KLHL24: variants seen among roughly 807,000 people sequenced by gnomAD.
KLHL24 encodes kelch like family member 24, also known as kelch-like protein 24.
A neutral mutation model predicts 53.4 loss-of-function variants in KLHL24; 29 were observed. That is an observed-to-expected ratio of 0.54 (90% CI 0.40 to 0.74). The LOEUF is 0.74. KLHL24 is among the 30% of genes least tolerant of loss of function. The probability of loss-of-function intolerance (pLI) is 0.00; values close to 1 mark genes in which losing one functional copy is unlikely to be tolerated. For synonymous variants in KLHL24, 222 were observed against 253.7 expected, an observed-to-expected ratio of 0.88 and a Z score of 1.19; for missense variants, 504 against 744.0, an observed-to-expected ratio of 0.68 and a Z score of 3.75.
intron 4 of KLHL24, chr3:183,664,250 C>T (rs1159889347): frequency 6.6e-6 from 1 of 152,138 alleles, no homozygotes; most frequent in Middle Eastern, 3.2e-3. Flanking sequence ...TAAACTTTAC[C>T]TCTTTGCAAG....
chr3:183,682,075 C>T lies in KLHL24; in HGVS notation c.*2789C>T, dbSNP rs1395101210. On this transcript the variant is annotated 3_prime_UTR_variant, in exon 8 of 8. Transcript: ENST00000242810. Reference sequence around the variant, plus strand: ...ATTTGGGCATTTCTAGAACTTTTTACATTTGAAAGTACATGATGAGTATTA... The same window carrying T: ...ATTTGGGCATTTCTAGAACTTTTTATATTTGAAAGTACATGATGAGTATTA... 6.6e-6 allele frequency: 1 copy of T among 152,040 alleles called. No individual in the cohort carries two copies. Among genetic ancestry groups the T allele is most frequent in the Non-Finnish European group, 1.5e-5 (1 of 67,960 alleles). The allele number at this position is 152,040 out of a possible 1,614,324, so 9.4% of individuals were successfully genotyped here.
At chr3:183,639,243 G>C (rs998972234) in intron 1 of KLHL24, among the ~76,000 whole-genome samples, 13 of 152,062 alleles carry the variant, frequency 8.5e-5, no homozygotes, top group African/African-American at 3.1e-4. Context: ...GTTTCCAAAG[G>C]CTACCACTGT....
At chr3:183,666,221 C>T (rs1463934393) in intron 5 of KLHL24, among the ~76,000 whole-genome samples, 2 of 151,838 alleles carry the variant, frequency 1.3e-5, no homozygotes, top group Non-Finnish European at 2.9e-5. Flanking sequence ...GTGGAGTTTC[C>T]AAAATGCTTG....
chr3:183,665,594 C>A (rs1016620222), intron 5 of KLHL24, among the ~76,000 whole-genome samples: 2 of 151,978 alleles, frequency 1.3e-5, no homozygotes, highest in South Asian at 4.2e-4. Context: ...ACTAAAAATA[C>A]AAAAAATAAG....
intron 7 of KLHL24, among the ~76,000 whole-genome samples, chr3:183,677,876 C>A (rs1163000979): frequency 6.6e-6 from 1 of 152,140 alleles, no homozygotes; most frequent in Non-Finnish European, 1.5e-5. Flanking sequence ...CCTGCAACCT[C>A]CGCCTCCCGG....
At chr3:183,653,719 G>A (rs1051189697) in intron 3 of KLHL24, among the ~76,000 whole-genome samples, 2 of 152,146 alleles carry the variant, frequency 1.3e-5, no homozygotes, top group African/African-American at 4.8e-5. Context: ...AATTTTAGGG[G>A]GAGACTGATA....
At chr3:183,671,574 A>G (rs1721332427) in intron 6 of KLHL24, among the ~76,000 whole-genome samples, 2 of 152,362 alleles carry the variant, frequency 1.3e-5, no homozygotes, top group South Asian at 4.1e-4. Context: ...AGACATAGTA[A>G]CTAAATATGC....
Position 183,679,391 on chromosome 3 carries a change from T to G in KLHL24, c.*105T>G, listed in dbSNP as rs1576996346. The G allele has an allele frequency of 1.4e-6, 1 of 719,824 alleles. No individual in the cohort carries two copies. Among genetic ancestry groups the G allele is most frequent in the East Asian group, 2.7e-5 (1 of 36,634 alleles). The allele number at this position is 719,824 out of a possible 1,614,324, so 44.6% of individuals were successfully genotyped here. ...TCTCCTTTGTGCCATATGCAAAAAATAGTAAAAATAATAATTTGGTGCCTT... is the reference window on the plus strand; with the variant it reads ...TCTCCTTTGTGCCATATGCAAAAAAGAGTAAAAATAATAATTTGGTGCCTT... On this transcript the variant is annotated 3_prime_UTR_variant, in exon 8 of 8. Coordinates refer to ENST00000242810, the MANE Select transcript of KLHL24 (RefSeq NM_017644.3).
intron 2 of KLHL24, among the ~76,000 whole-genome samples, chr3:183,648,106 A>G (rs1391741906): frequency 1.3e-5 from 2 of 152,216 alleles, no homozygotes; most frequent in Non-Finnish European, 2.9e-5. Flanking sequence ...TGGGCATATA[A>G]TAAATATTTG....
chr3:183,671,323 C>A, intron 6 of KLHL24, 101 bp downstream of exon 6: 1 of 1,008,640 alleles, frequency 9.9e-7, no homozygotes, highest in Non-Finnish European at 1.4e-6. Context: ...TGTGAGGGGT[C>A]TTTTAAAAAT....
intron 4 of KLHL24, among the ~76,000 whole-genome samples, chr3:183,664,320 C>T (rs181577927): frequency 3.9e-5 from 6 of 152,278 alleles, no homozygotes; most frequent in African/African-American, 1.4e-4. Flanking sequence ...AAATTCTCCG[C>T]AAAGTTTATG....
chr3:183,637,130 A>G (rs930391184), intron 1 of KLHL24, among the ~76,000 whole-genome samples: 10 of 152,140 alleles, frequency 6.6e-5, no homozygotes, highest in Admixed American at 1.3e-4. Context: ...GCTGTTCACA[A>G]TTGATTTTAG....
intron 3 of KLHL24, among the ~76,000 whole-genome samples, chr3:183,655,004 A>G (rs763429686): frequency 6.6e-6 from 1 of 152,242 alleles, no homozygotes; most frequent in Admixed American, 6.5e-5. Context: ...ACTCTGGTTT[A>G]GGGTGGTGGC....
At chr3:183,641,365 C>G (rs1048424580) in intron 1 of KLHL24, among the ~76,000 whole-genome samples, 2 of 149,394 alleles carry the variant, frequency 1.3e-5, no homozygotes, top group Non-Finnish European at 3.0e-5. Context: ...GTAGTCCCAG[C>G]TACATGGGAG....
chr3:183,671,154 G>A lies in KLHL24; in HGVS notation c.1345G>A (p.Val449Met). ...TAAGGAAGCCGTGAGTTCTCCTGCA[G>A]TGACTAGCTGTGTAGGCAAACTGTT... ...PLKEAVSSPA[V>M]TSCVGKLFVI... Residue 449 changes from valine to methionine, a missense_variant, in exon 6 of 8, where the codon GTG becomes ATG. Coordinates refer to ENST00000242810, the MANE Select transcript of KLHL24 (RefSeq NM_017644.3). The A allele has an allele frequency of 6.2e-7, 1 of 1,614,122 alleles. No homozygotes were observed. Among genetic ancestry groups the A allele is most frequent in the Non-Finnish European group, 8.5e-7 (1 of 1,180,004 alleles).
chr3:183,656,102 A>G (rs1394780128), intron 3 of KLHL24, among the ~76,000 whole-genome samples: 1 of 115,456 alleles, frequency 8.7e-6, no homozygotes, highest in African/African-American at 3.5e-5. Context: ...ACTGGTGTGT[A>G]GTGGTGCCAT....
At chr3:183,639,654 T>C (rs12492623) in intron 1 of KLHL24, among the ~76,000 whole-genome samples, 5 of 62,890 alleles carry the variant, frequency 8.0e-5, no homozygotes, top group East Asian at 6.9e-4. Context: ...AAAAAAAAAA[T>C]CTCAAATTTG....
intron 1 of KLHL24, among the ~76,000 whole-genome samples, chr3:183,636,880 C>T (rs547033527): frequency 6.6e-6 from 1 of 152,090 alleles, no homozygotes; most frequent in African/African-American, 2.4e-5. Context: ...GTGGCCGCCG[C>T]CGCCGCTGCT....
rs1712605965 is a variant in KLHL24 at position 183,680,797 on chromosome 3, T to G, written c.*1511T>G. ...TTTAGGGATGTTCTAGGTAGCCTGC[T>G]GTAGTTTGACTTCCAGTCACTGTTG... On this transcript the variant is annotated 3_prime_UTR_variant, in exon 8 of 8. Coordinates refer to ENST00000242810, the MANE Select transcript of KLHL24 (RefSeq NM_017644.3). 6.6e-6 allele frequency: 1 copy of G among 152,238 alleles called. No individual in the cohort carries two copies. The highest frequency in any genetic ancestry group is 2.4e-5 in the African/African-American group (1 of 41,472). The allele number at this position is 152,238 out of a possible 1,614,324, so 9.4% of individuals were successfully genotyped here. A position where few individuals can be genotyped will look rare whatever the true frequency, so the allele number is the denominator to read the frequency against.
Sources: gnomAD v4.1 joint callset for allele counts (sites outside exome capture counted in the v4.1 genomes callset) on GRCh38, gnomAD v4.1.1 for gene constraint, MANE v1.5 for transcripts, NCBI Gene and HGNC (gene_info 2026-07-23, HGNC 2026-07-21) for gene names.